The following C10orf71 variants were observed in gnomAD, a reference collection of about 807,000 sequenced individuals.
The protein encoded by C10orf71 is chromosome 10 open reading frame 71.
For synonymous variants in C10orf71, 758 were observed against 726.3 expected (o/e 1.04, Z -0.70); for missense variants, 1,869 against 1,804.5 (o/e 1.04, Z -0.65).
chr10:49,305,846 A>G (rs1228475313), intron 1 of C10orf71, among the ~76,000 whole-genome samples: 28 of 152,252 alleles, frequency 1.8e-4, no homozygotes, highest in Admixed American at 1.8e-3. Context: ...TTTTTAAATC[A>G]CTATAGATCA....
chr10:49,326,879 C>A lies in C10orf71; in HGVS notation c.*26C>A. The A allele has an allele frequency of 1.3e-6, 2 of 1,516,322 alleles. No homozygotes were observed. The highest frequency in any genetic ancestry group is 1.8e-6 in the Non-Finnish European group (2 of 1,132,680). The allele number at this position is 1,516,322 out of a possible 1,614,324, so 93.9% of individuals were successfully genotyped here. A position where few individuals can be genotyped will look rare whatever the true frequency, so the allele number is the denominator to read the frequency against. On this transcript the variant is annotated 3_prime_UTR_variant, in exon 3 of 3. Transcript: ENST00000374144. Reference sequence around the variant, plus strand: ...GTTACTGCAGGCTGTCCCCCACCCCCAGATGAACCCAGAGGAGCTTACTTC... The same window carrying A: ...GTTACTGCAGGCTGTCCCCCACCCCAAGATGAACCCAGAGGAGCTTACTTC...
At chr10:49,304,645 G>A (rs566859292) in intron 1 of C10orf71, among the ~76,000 whole-genome samples, 67 of 152,322 alleles carry the variant, frequency 4.4e-4, no homozygotes, top group African/African-American at 1.5e-3. Flanking sequence ...GTTCTCAGGA[G>A]TCCTGCCTGA....
intron 1 of C10orf71, among the ~76,000 whole-genome samples, chr10:49,309,811 G>A (rs902414221): frequency 2.6e-5 from 4 of 152,162 alleles, no homozygotes; most frequent in South Asian, 4.1e-4. Context: ...TGCCTGAGTC[G>A]ATGGCTCAGA....
intron 1 of C10orf71, among the ~76,000 whole-genome samples, chr10:49,310,795 G>GATT (rs1848897644): frequency 6.6e-6 from 1 of 151,592 alleles, no homozygotes; most frequent in East Asian, 1.9e-4. Flanking sequence ...TGATGATGAT[G>GATT]ATGATGGTGA....
At chr10:49,311,917 G>T (rs531770993) in intron 1 of C10orf71, among the ~76,000 whole-genome samples, 1 of 152,166 alleles carries the variant, frequency 6.6e-6, no homozygotes, top group Non-Finnish European at 1.5e-5. Context: ...AATTGTATCC[G>T]CAAAAAGCAG....
upstream of C10orf71, among the ~76,000 whole-genome samples, chr10:49,297,211 G>C (rs532439904): frequency 6.6e-6 from 1 of 152,306 alleles, no homozygotes; most frequent in East Asian, 1.9e-4. Context: ...GAAGACCAGC[G>C]GCCCTGCCGA....
At position 49,326,308 on chromosome 10, in the gene C10orf71, G is replaced by A. The variant is rs376654745; in HGVS notation, c.3763G>A (p.Gly1255Arg). Residue 1255 changes from glycine to arginine, a missense_variant, in exon 3 of 3, where the codon GGG becomes AGG. Coordinates refer to ENST00000374144, the MANE Select transcript of C10orf71 (RefSeq NM_001135196.2). ...HSVSGFSEPV[G>R]RRPGGPQSLT... Reference sequence around the variant, plus strand: ...CGTGTCCGGCTTCTCGGAGCCTGTCGGGAGGCGGCCCGGGGGCCCCCAGTC... The same window carrying A: ...CGTGTCCGGCTTCTCGGAGCCTGTCAGGAGGCGGCCCGGGGGCCCCCAGTC... The A allele has an allele frequency of 1.3e-6, 2 of 1,549,520 alleles. No individual in the cohort carries two copies. Among genetic ancestry groups the A allele is most frequent in the South Asian group, 1.2e-5 (1 of 83,958 alleles).
Position 49,318,639 on chromosome 10 carries a change from G to A in C10orf71, c.-145+2392G>A, listed in dbSNP as rs1049549444. Among the ~76,000 whole-genome samples, 3 of 152,204 alleles carry A rather than the reference G, an allele frequency of 2.0e-5. No individual in the cohort carries two copies. The East Asian group carries it at 5.8e-4, about 29-fold the overall frequency. ...TTTGCTAACTCACCAGAGTGTTGTG[G>A]TCAAGGGACGGAAACAACAGACCCC... On this transcript the variant is annotated intron_variant, in intron 2 of 2. Coordinates refer to ENST00000374144, the MANE Select transcript of C10orf71 (RefSeq NM_001135196.2).
chr10:49,324,855 G>A lies in C10orf71; in HGVS notation c.2310G>A (p.Lys770=). 1 of 1,551,944 alleles carries A rather than the reference G, an allele frequency of 6.4e-7. No homozygotes were observed. Among genetic ancestry groups the A allele is most frequent in the South Asian group, 1.2e-5 (1 of 84,058 alleles). The change falls in exon 3 of 3, where the codon AAG becomes AAA. Residue 770 remains lysine, a synonymous_variant. Coordinates refer to ENST00000374144, the MANE Select transcript of C10orf71 (RefSeq NM_001135196.2). ...VSAGDSQKDE[K]ENVMRKDELQ... Reference sequence around the variant, plus strand: ...CAGGTGACAGTCAGAAGGATGAGAAGGAGAATGTGATGCGGAAGGATGAGC... The same window carrying A: ...CAGGTGACAGTCAGAAGGATGAGAAAGAGAATGTGATGCGGAAGGATGAGC...
intron 1 of C10orf71, among the ~76,000 whole-genome samples, chr10:49,302,007 G>A (rs961984635): frequency 6.6e-6 from 1 of 152,172 alleles, no homozygotes; most frequent in Non-Finnish European, 1.5e-5. Flanking sequence ...CTTCCCAGGT[G>A]GGCTTGAGCT....
At chr10:49,308,938 A>T (rs749800717) in intron 1 of C10orf71, among the ~76,000 whole-genome samples, 1 of 152,208 alleles carries the variant, frequency 6.6e-6, no homozygotes, top group Non-Finnish European at 1.5e-5. Context: ...GAGGCCGAGG[A>T]CTGGGTGAGG....
chr10:49,311,326 G>A (rs1011072303), intron 1 of C10orf71, among the ~76,000 whole-genome samples: 1 of 152,236 alleles, frequency 6.6e-6, no homozygotes, highest in Admixed American at 6.5e-5. Context: ...GACACATGAG[G>A]GTCTGGGATA....
At position 49,323,404 on chromosome 10, in the gene C10orf71, C is replaced by A. The variant is rs1298447124; in HGVS notation, c.859C>A (p.Leu287Met). ...FESWNAHQPK[L>M]LERKDTAGTV... ...GTCATGGAATGCCCACCAACCAAAG[C>A]TGCTGGAGAGAAAGGACACAGCTGG... The change falls in exon 3 of 3, where the codon CTG becomes ATG. Residue 287 changes from leucine to methionine, a missense_variant. Coordinates refer to ENST00000374144, the MANE Select transcript of C10orf71 (RefSeq NM_001135196.2). The A allele has an allele frequency of 6.2e-7, 1 of 1,614,016 alleles. No individual in the cohort carries two copies. The highest frequency in any genetic ancestry group is 1.7e-5 in the Admixed American group (1 of 60,024).
At chr10:49,315,106 A>C (rs945402177) in intron 1 of C10orf71, among the ~76,000 whole-genome samples, 1 of 152,196 alleles carries the variant, frequency 6.6e-6, no homozygotes, top group Non-Finnish European at 1.5e-5. Context: ...GGCCCATCTA[A>C]GCCAGCCTGG....
Position 49,324,939 on chromosome 10 carries a change from A to T in C10orf71, c.2394A>T (p.Glu798Asp), listed in dbSNP as rs1377655499. ...GCCTGGAAAACCGCAGCCAGGGGGAAGCATTGCAAAGAGAAAGGGAAAGTG... is the reference window on the plus strand; with the variant it reads ...GCCTGGAAAACCGCAGCCAGGGGGATGCATTGCAAAGAGAAAGGGAAAGTG... ...HACLENRSQG[E>D]ALQRERESVS... Residue 798 changes from glutamate to aspartate, a missense_variant, in exon 3 of 3, where the codon GAA (glutamate) becomes GAT (aspartate). Physicochemically the swap from Glu to Asp is conservative, Grantham distance 45 (BLOSUM62 2). Coordinates refer to ENST00000374144, the MANE Select transcript of C10orf71 (RefSeq NM_001135196.2). The T allele has an allele frequency of 1.3e-6, 2 of 1,550,784 alleles. No individual in the cohort carries two copies. The highest frequency in any genetic ancestry group is 1.7e-6 in the Non-Finnish European group (2 of 1,146,352).
chr10:49,311,581 G>C (rs961366680), intron 1 of C10orf71, among the ~76,000 whole-genome samples: 1 of 152,220 alleles, frequency 6.6e-6, no homozygotes, highest in Non-Finnish European at 1.5e-5. Context: ...TCACACCAAG[G>C]ATCTCAAAGT....
At chr10:49,299,886 G>T (rs146479600) in intron 1 of C10orf71, among the ~76,000 whole-genome samples, 1 of 152,342 alleles carries the variant, frequency 6.6e-6, no homozygotes, top group East Asian at 1.9e-4. Flanking sequence ...AGAAAAACTG[G>T]TGACTGAGAC....
rs773954248 is a variant in C10orf71 at position 49,322,898 on chromosome 10, C to A, written c.353C>A (p.Pro118Gln). The change falls in exon 3 of 3, where the codon CCA (proline) becomes CAA (glutamine). Residue 118 changes from proline (P) to glutamine (Q), a missense_variant. By Grantham distance (76) the Pro-to-Gln change is moderately conservative. Coordinates refer to ENST00000374144, the MANE Select transcript of C10orf71 (RefSeq NM_001135196.2). ...GEEKYPKTSP[P>Q]PTPVQRRLEV... Reference sequence around the variant, plus strand: ...GAAAAGTACCCCAAAACCAGCCCCCCACCAACGCCAGTCCAGAGGAGACTG... The same window carrying A: ...GAAAAGTACCCCAAAACCAGCCCCCAACCAACGCCAGTCCAGAGGAGACTG... 39 of 1,613,752 alleles carry A rather than the reference C, an allele frequency of 2.4e-5. 1 individual carries two copies. Among genetic ancestry groups the A allele is most frequent in the Middle Eastern group, 1.6e-4 (1 of 6,084 alleles).
chr10:49,320,223 G>T (rs1849071452), intron 2 of C10orf71, among the ~76,000 whole-genome samples: 1 of 152,200 alleles, frequency 6.6e-6, no homozygotes, highest in African/African-American at 2.4e-5. Context: ...GGCACAAGGG[G>T]CATGTTGCTG....
Sources: gnomAD v4.1 joint callset for allele counts (sites outside exome capture counted in the v4.1 genomes callset) on GRCh38, gnomAD v4.1.1 for gene constraint, MANE v1.5 for transcripts, NCBI Gene and HGNC (gene_info 2026-07-23, HGNC 2026-07-21) for gene names.